TMPRSS12: variants seen among roughly 807,000 people sequenced by gnomAD.
TMPRSS12 encodes transmembrane protease serine 12.
Under a neutral mutation model 26.0 loss-of-function variants are expected in TMPRSS12, and 25 were observed. The ratio of observed to expected loss-of-function variants is 0.96; its 90% CI spans 0.70 to 1.34. The LOEUF is 1.34. Among genes scored for constraint, TMPRSS12 ranks in the 40% most tolerant of loss-of-function variants. TMPRSS12 has a pLI of 0.00. For synonymous variants in TMPRSS12, 150 were observed against 161.7 expected, an observed-to-expected ratio of 0.93 and a Z score of 0.55; for missense variants, 441 against 440.1, an observed-to-expected ratio of 1.00 and a Z score of -0.02.
chr12:50,857,664 G>A (rs1937891546), intron 2 of TMPRSS12, among the ~76,000 whole-genome samples: 2 of 152,054 alleles, frequency 1.3e-5, no homozygotes, highest in Admixed American at 6.6e-5. Flanking sequence ...TTGCTTGCTT[G>A]CTTGCTTTAA....
In TMPRSS12 at chr12:50,847,646, A is replaced by C. The variant is rs183169102; in HGVS notation, c.383+3609A>C. Among the ~76,000 whole-genome samples the C allele has an allele frequency of 6.6e-3, 1,005 of 152,142 alleles. 39 individuals are homozygous for C. The highest frequency in any genetic ancestry group is 0.054 in the Admixed American group (822 of 15,272). On this transcript the variant is annotated intron_variant, in intron 2 of 4. Coordinates refer to ENST00000398458, the MANE Select transcript of TMPRSS12 (RefSeq NM_182559.3). Reference sequence around the variant, plus strand: ...TGTGGTGGCTCACACCTGTAATCCCAGCACTTTGGGAGGCTGAGGCAGGAG... The same window carrying C: ...TGTGGTGGCTCACACCTGTAATCCCCGCACTTTGGGAGGCTGAGGCAGGAG...
chr12:50,865,657 C>T (rs1303318121), intron 3 of TMPRSS12, among the ~76,000 whole-genome samples: 3 of 149,968 alleles, frequency 2.0e-5, no homozygotes, highest in South Asian at 2.1e-4. Flanking sequence ...CAAAACAAAA[C>T]GTAATCCCCT....
chr12:50,858,838 A>G lies in TMPRSS12; in HGVS notation c.437A>G (p.Tyr146Cys). 4.3e-6 allele frequency: 7 copies of G among 1,609,514 alleles called. No individual in the cohort carries two copies. Among genetic ancestry groups the G allele is most frequent in the Non-Finnish European group, 5.9e-6 (7 of 1,177,578 alleles). ...GGAACTAATAATATACATGGACGCT[A>G]TCCTCATACCAAGAAGATAAAAATT... is the stretch of plus-strand genomic sequence containing the variant. ...VIGTNNIHGR[Y>C]PHTKKIKIKA... The change falls in exon 3 of 5, where the codon TAT becomes TGT. Residue 146 changes from tyrosine (Y) to cysteine (C), a missense_variant. Physicochemically the swap from Tyr to Cys is radical, Grantham distance 194. Transcript: ENST00000398458.
chr12:50,868,233 T>C (rs184970771), intron 3 of TMPRSS12, among the ~76,000 whole-genome samples: 18 of 152,236 alleles, frequency 1.2e-4, no homozygotes, highest in African/African-American at 3.9e-4. Flanking sequence ...CAACCAACTA[T>C]CTGCTGCCTT....
chr12:50,843,078 G>A lies in TMPRSS12; in HGVS notation c.114G>A (p.Ala38=), dbSNP rs763402773. 4 of 1,587,362 alleles carry A rather than the reference G, an allele frequency of 2.5e-6. No homozygotes were observed. Among genetic ancestry groups the A allele is most frequent in the Non-Finnish European group, 2.6e-6 (3 of 1,167,482 alleles). ...RHRLGPSPEP[A]ASSQQAEAVR... ...GGCTCGGCCCCTCGCCGGAACCGGC[G>A]GCTAGTTCCCAGCAGGCTGAGGCCG... Residue 38 remains alanine, a synonymous_variant, in exon 1 of 5, where the codon GCG becomes GCA. Coordinates refer to ENST00000398458, the MANE Select transcript of TMPRSS12 (RefSeq NM_182559.3).
intron 3 of TMPRSS12, among the ~76,000 whole-genome samples, chr12:50,877,515 G>A (rs1322545719): frequency 6.6e-6 from 1 of 152,204 alleles, no homozygotes; most frequent in Non-Finnish European, 1.5e-5. Context: ...GAGGTTATAG[G>A]AAGACAAAAA....
chr12:50,862,101 AC>A (rs1254957761), intron 3 of TMPRSS12, among the ~76,000 whole-genome samples: 1 of 152,116 alleles, frequency 6.6e-6, no homozygotes, highest in Admixed American at 6.5e-5. Flanking sequence ...AGCCAGGTGC[AC>A]CCGGCCTAAT....
At chr12:50,865,216 C>A (rs1452627416) in intron 3 of TMPRSS12, among the ~76,000 whole-genome samples, 1 of 151,982 alleles carries the variant, frequency 6.6e-6, no homozygotes, top group African/African-American at 2.4e-5. Context: ...GCCTGTAATC[C>A]CAGCTACTTG....
rs1177027566 is a variant in TMPRSS12 at position 50,858,880 on chromosome 12, A to G, written c.479A>G (p.His160Arg). The G allele has an allele frequency of 6.3e-7, 1 of 1,596,242 alleles. No individual in the cohort carries two copies. Among genetic ancestry groups the G allele is most frequent in the East Asian group, 2.2e-5 (1 of 44,480 alleles). The part of the protein sequence containing the change: ...KKIKIKAIII[H>R]PNFILESYVN... ...ATAAAAATTAAAGCAATCATTATTC[A>G]TCCAAACTTCATTTTGGAATCTTAT... Residue 160 changes from histidine to arginine, a missense_variant, in exon 3 of 5, where the codon CAT becomes CGT. Physicochemically the swap from His to Arg is conservative, Grantham distance 29. Coordinates refer to ENST00000398458, the MANE Select transcript of TMPRSS12 (RefSeq NM_182559.3).
At chr12:50,850,912 G>A (rs1036943212) in intron 2 of TMPRSS12, among the ~76,000 whole-genome samples, 21 of 152,130 alleles carry the variant, frequency 1.4e-4, no homozygotes, top group African/African-American at 4.1e-4. Flanking sequence ...AGTCCCCCAG[G>A]ATTAGACCTT....
At chr12:50,854,317 T>G (rs1228456563) in intron 2 of TMPRSS12, among the ~76,000 whole-genome samples, 1 of 152,104 alleles carries the variant, frequency 6.6e-6, no homozygotes, top group African/African-American at 2.4e-5. Flanking sequence ...TACCTCAAAA[T>G]AATAAGAGCC....
At chr12:50,856,839 C>T (rs910102458) in intron 2 of TMPRSS12, among the ~76,000 whole-genome samples, 20 of 125,192 alleles carry the variant, frequency 1.6e-4, no homozygotes, top group Admixed American at 1.4e-3. Flanking sequence ...GCATGTGCCA[C>T]GACATCCGGC....
chr12:50,877,982 A>C (rs1173878516), intron 3 of TMPRSS12, among the ~76,000 whole-genome samples: 4 of 152,202 alleles, frequency 2.6e-5, no homozygotes, highest in Non-Finnish European at 5.9e-5. Flanking sequence ...GTACACTGAA[A>C]ACTACAAAAA....
chr12:50,848,763 G>A (rs573610180), intron 2 of TMPRSS12, among the ~76,000 whole-genome samples: 1 of 152,362 alleles, frequency 6.6e-6, no homozygotes, highest in African/African-American at 2.4e-5. Flanking sequence ...GTGGTCAGGG[G>A]ATCTGGGGTC....
At chr12:50,886,731 T>A (rs1470449680) in intron 4 of TMPRSS12, 1 of 153,404 alleles carries the variant, frequency 6.5e-6, no homozygotes, top group Non-Finnish European at 1.4e-5. Flanking sequence ...CTGAGAGGCT[T>A]TGCCATTTAT....
At chr12:50,848,058 G>A (rs1937790565) in intron 2 of TMPRSS12, 1 of 151,854 alleles carries the variant, frequency 6.6e-6, no homozygotes, top group Non-Finnish European at 1.5e-5. Flanking sequence ...TGGAAGACAG[G>A]CTTGTCCTTT....
At chr12:50,881,167 G>A (rs1938160933) in intron 3 of TMPRSS12, among the ~76,000 whole-genome samples, 3 of 151,622 alleles carry the variant, frequency 2.0e-5, no homozygotes, top group Admixed American at 2.0e-4. Flanking sequence ...ATTTTTAGTA[G>A]AGACGGGGTT....
chr12:50,885,182 T>C, intron 3 of TMPRSS12, 64 bp from the exon 4 acceptor site: 2 of 1,440,594 alleles, frequency 1.4e-6, no homozygotes, highest in Non-Finnish European at 1.9e-6. Context: ...CATAAAACAC[T>C]AACATTTAAA....
intron 3 of TMPRSS12, among the ~76,000 whole-genome samples, chr12:50,878,867 T>C (rs1938138149): frequency 6.6e-6 from 1 of 152,170 alleles, no homozygotes; most frequent in African/African-American, 2.4e-5. Context: ...AGGTATGATA[T>C]TAGGAAGTAG....
Sources: gnomAD v4.1 joint callset for allele counts (sites outside exome capture counted in the v4.1 genomes callset) on GRCh38, gnomAD v4.1.1 for gene constraint, MANE v1.5 for transcripts, NCBI Gene and HGNC (gene_info 2026-07-23, HGNC 2026-07-21) for gene names.